Variants in CLVS1 observed in about 807,000 individuals in gnomAD.
CLVS1 encodes the protein clavesin 1.
CLVS1 carries 10 observed loss-of-function variants against 33.1 expected under a neutral mutation model. The ratio of observed to expected loss-of-function variants is 0.30; its 90% CI spans 0.19 to 0.51. CLVS1 has a LOEUF of 0.51. Among genes scored for constraint, CLVS1 ranks in the 20% least tolerant of loss-of-function variants. The pLI is 0.97. For missense variants in CLVS1, 343 were observed against 433.4 expected (o/e 0.79, Z 1.85); for synonymous variants, 163 against 166.1 (o/e 0.98, Z 0.14).
At chr8:61,033,130 A>AG in the CLVS1 span, among the ~76,000 whole-genome samples, 8 of 57,774 alleles carry the variant, frequency 1.4e-4, no homozygotes, top group African/African-American at 3.2e-4. Context: ...AAGAAAGGAA[A>AG]GAAAGAAAGA....
chr8:61,194,065 G>GTA (rs75310323), intron 2 of CLVS1, among the ~76,000 whole-genome samples: 113,627 of 151,572 alleles, frequency 0.75, 43,471 homozygotes, highest in Middle Eastern at 0.9. Flanking sequence ...GAGAAAGAGG[G>GTA]TATTCATTTC....
At chr8:60,970,027 G>A in the CLVS1 span, among the ~76,000 whole-genome samples, 9,376 of 152,240 alleles carry the variant, frequency 0.062, 341 homozygotes, top group Middle Eastern at 0.095. Flanking sequence ...CCCCCGATAC[G>A]TCAAGGAGCA....
At position 61,350,999 on chromosome 8, in the gene CLVS1, C is replaced by T. The variant is rs185425095; in HGVS notation, c.456-25606C>T. On this transcript the variant is annotated intron_variant, in intron 2 of 5. Transcript: ENST00000325897. Reference sequence around the variant, plus strand: ...TGTCCCAGGAAGATGTGGTTGTAACCGTGCTTGGTCAGAAACTTGTTTTCC... The same window carrying T: ...TGTCCCAGGAAGATGTGGTTGTAACTGTGCTTGGTCAGAAACTTGTTTTCC... Among the ~76,000 whole-genome samples the T allele has an allele frequency of 2.6e-5, 4 of 152,174 alleles. No individual in the cohort carries two copies. The East Asian group carries it at 5.8e-4, about 22-fold the overall frequency.
intron 3 of CLVS1, among the ~76,000 whole-genome samples, chr8:61,429,666 C>G (rs1405234115): frequency 6.6e-6 from 1 of 152,122 alleles, no homozygotes; most frequent in East Asian, 1.9e-4. Flanking sequence ...TGTTTGGAAT[C>G]ATTATATCCA....
rs1284556569 is a variant in CLVS1 at position 61,433,093 on chromosome 8, A to G, written c.631-21048A>G. ...TTCAGCCTCTTGAGTAACTAGGACT[A>G]TAGGCACATGCCACCACACCTGGCT... is the stretch of plus-strand genomic sequence containing the variant. On this transcript the variant is annotated intron_variant, in intron 3 of 5. Coordinates refer to ENST00000325897, the MANE Select transcript of CLVS1 (RefSeq NM_173519.3). Among the ~76,000 whole-genome samples, 6 of 152,322 alleles carry G rather than the reference A, an allele frequency of 3.9e-5. No individual in the cohort carries two copies. In the East Asian group the frequency reaches 1.2e-3, roughly 29 times the overall value.
At chr8:61,428,761 G>C (rs1776932215) in intron 3 of CLVS1, among the ~76,000 whole-genome samples, 1 of 152,142 alleles carries the variant, frequency 6.6e-6, no homozygotes, top group Non-Finnish European at 1.5e-5. Context: ...CCCACAGTGG[G>C]CCCTGCAGAA....
At chr8:61,189,298 A>G (rs1807410470) in intron 2 of CLVS1, among the ~76,000 whole-genome samples, 1 of 152,194 alleles carries the variant, frequency 6.6e-6, no homozygotes, top group South Asian at 2.1e-4. Flanking sequence ...AGGAGAAATA[A>G]AATCCTTTAC....
At chr8:61,268,090 T>G (rs551480118) in intron 2 of CLVS1, among the ~76,000 whole-genome samples, 3 of 151,954 alleles carry the variant, frequency 2.0e-5, no homozygotes, top group Admixed American at 2.0e-4. Context: ...TATGTATACA[T>G]GTGCCATGCT....
At chr8:61,111,124 T>C (rs1360194678) in intron 1 of CLVS1, among the ~76,000 whole-genome samples, 1 of 152,178 alleles carries the variant, frequency 6.6e-6, no homozygotes, top group Non-Finnish European at 1.5e-5. Context: ...CTGTTTGCAG[T>C]AGTGGAATAC....
At chr8:60,972,143 C>G in the CLVS1 span, among the ~76,000 whole-genome samples, 7 of 152,106 alleles carry the variant, frequency 4.6e-5, no homozygotes, top group African/African-American at 1.7e-4. Context: ...TTCTCTCTCT[C>G]TCTCTATGCT....
the CLVS1 span, among the ~76,000 whole-genome samples, chr8:60,995,928 C>T: frequency 3.8e-3 from 577 of 152,186 alleles, 3 homozygotes; most frequent in Non-Finnish European, 6.2e-3. Flanking sequence ...AACCAAACAC[C>T]GCATATTCTC....
At chr8:61,113,359 G>T (rs180836393) in intron 1 of CLVS1, among the ~76,000 whole-genome samples, 13 of 152,312 alleles carry the variant, frequency 8.5e-5, no homozygotes, top group Admixed American at 5.2e-4. Context: ...GATGAAACAA[G>T]CATCATGTTT....
the CLVS1 span, among the ~76,000 whole-genome samples, chr8:60,981,842 C>A: frequency 1.1e-4 from 16 of 152,322 alleles, no homozygotes; most frequent in South Asian, 1.2e-3. Context: ...AGAGCGGGAC[C>A]CCTCATGAGG....
intron 2 of CLVS1, among the ~76,000 whole-genome samples, chr8:61,243,842 A>C (rs568822916): frequency 6.6e-6 from 1 of 152,204 alleles, no homozygotes; most frequent in Admixed American, 6.5e-5. Flanking sequence ...TTTCACTGTT[A>C]GCTTCCTTGT....
At chr8:61,261,104 T>G (rs1809194220) in intron 2 of CLVS1, among the ~76,000 whole-genome samples, 1 of 152,184 alleles carries the variant, frequency 6.6e-6, no homozygotes, top group South Asian at 2.1e-4. Flanking sequence ...CAAGCATCTG[T>G]GGCTTGAGCT....
intron 2 of CLVS1, among the ~76,000 whole-genome samples, chr8:61,171,973 G>A (rs966268745): frequency 6.6e-6 from 1 of 152,186 alleles, no homozygotes; most frequent in African/African-American, 2.4e-5. Context: ...CAGGAAGACT[G>A]TGGAGAATGA....
chr8:60,968,068 C>T, the CLVS1 span, among the ~76,000 whole-genome samples: 1 of 152,154 alleles, frequency 6.6e-6, no homozygotes, highest in Non-Finnish European at 1.5e-5. Flanking sequence ...TCCCCCAAGT[C>T]GCTGGGACCA....
chr8:61,299,743 G>A lies in CLVS1; in HGVS notation c.-85G>A. The A allele has an allele frequency of 1.0e-6, 1 of 992,406 alleles. No individual in the cohort carries two copies. Among genetic ancestry groups the A allele is most frequent in the South Asian group, 1.6e-5 (1 of 61,490 alleles). 61.5% of individuals were successfully genotyped at this position (992,406 alleles called of 1,614,324 possible). On this transcript the variant is annotated 5_prime_UTR_variant, in exon 2 of 6. Coordinates refer to ENST00000325897, the MANE Select transcript of CLVS1 (RefSeq NM_173519.3). Reference sequence around the variant, plus strand: ...CACCACATAGGGCCTGAATGTGAAAGAAGACCCTCTATTTGTCTGTTCCGG... The same window carrying A: ...CACCACATAGGGCCTGAATGTGAAAAAAGACCCTCTATTTGTCTGTTCCGG...
intron 1 of CLVS1, among the ~76,000 whole-genome samples, chr8:61,105,815 T>A (rs1271441126): frequency 6.6e-6 from 1 of 152,002 alleles, no homozygotes; most frequent in Non-Finnish European, 1.5e-5. Context: ...AACTTAGGAA[T>A]CAGCAGCTAT....
Sources: gnomAD v4.1 joint callset for allele counts (sites outside exome capture counted in the v4.1 genomes callset) on GRCh38, gnomAD v4.1.1 for gene constraint, MANE v1.5 for transcripts, NCBI Gene and HGNC (gene_info 2026-07-23, HGNC 2026-07-21) for gene names.